Variants in LRRC7 observed in about 807,000 individuals in gnomAD.
The protein encoded by LRRC7 is leucine-rich repeat-containing protein 7.
LRRC7 carries 23 observed loss-of-function variants against 175.7 expected under a neutral mutation model. The ratio of observed to expected loss-of-function variants is 0.13; its 90% CI spans 0.09 to 0.19. The LOEUF is 0.19. LRRC7 is among the 10% of genes least tolerant of loss of function. The pLI is 1.00. For missense variants in LRRC7, 1,354 were observed against 1,904.7 expected (o/e 0.71, Z 5.38); for synonymous variants, 685 against 680.9 (o/e 1.01, Z -0.09).
At chr1:69,613,333 A>T (rs1282700747) in intron 1 of LRRC7, among the ~76,000 whole-genome samples, 1 of 151,980 alleles carries the variant, frequency 6.6e-6, no homozygotes, top group East Asian at 1.9e-4. Context: ...AATTCCACTC[A>T]TGAGGGCTCT....
chr1:70,073,962 A>G (rs754403892), intron 23 of LRRC7, among the ~76,000 whole-genome samples: 3 of 152,216 alleles, frequency 2.0e-5, no homozygotes, highest in Admixed American at 1.3e-4. Context: ...GCACTTTGAG[A>G]GGCTGAGGCC....
In LRRC7 at chr1:70,107,833, C is replaced by T. The variant is rs1457055598; in HGVS notation, c.4620+7C>T. The T allele has an allele frequency of 6.2e-7, 1 of 1,607,482 alleles. No homozygotes were observed. The highest frequency in any genetic ancestry group is 1.3e-5 in the African/African-American group (1 of 74,746). Reference sequence around the variant, plus strand: ...TGGTGATAAGATCCTTCAGGTAAGACAGATAAAAGAAATGCATGCAAATGC... The same window carrying T: ...TGGTGATAAGATCCTTCAGGTAAGATAGATAAAAGAAATGCATGCAAATGC... On this transcript the variant is annotated splice_region_variant and intron_variant, in intron 26 of 26. Transcript: ENST00000651989.
At chr1:69,589,454 A>G (rs1194667363) in intron 1 of LRRC7, among the ~76,000 whole-genome samples, 2 of 152,126 alleles carry the variant, frequency 1.3e-5, no homozygotes, top group African/African-American at 2.4e-5. Context: ...CTAGGGTATG[A>G]AGAATCCAAT....
chr1:69,830,648 AG>A (rs1421150090), intron 5 of LRRC7, among the ~76,000 whole-genome samples: 2 of 151,898 alleles, frequency 1.3e-5, no homozygotes, highest in African/African-American at 2.4e-5. Context: ...GAATCCTATG[AG>A]GAAAATAAAG....
intron 10 of LRRC7, among the ~76,000 whole-genome samples, chr1:69,988,998 A>G (rs1244729677): frequency 6.6e-6 from 1 of 152,238 alleles, no homozygotes; most frequent in African/African-American, 2.4e-5. Flanking sequence ...AACAAAAGTT[A>G]TCAACCAATA....
At chr1:70,071,192 C>A (rs1571237310) in intron 23 of LRRC7, among the ~76,000 whole-genome samples, 1 of 152,202 alleles carries the variant, frequency 6.6e-6, no homozygotes, top group East Asian at 1.9e-4. Flanking sequence ...TTTGTTGAAG[C>A]ATTGTTTATA....
chr1:69,820,525 C>T (rs2101203883), intron 4 of LRRC7, among the ~76,000 whole-genome samples: 1 of 152,204 alleles, frequency 6.6e-6, no homozygotes, highest in East Asian at 1.9e-4. Flanking sequence ...CCTAGCCCCC[C>T]AACAGACCCC....
At chr1:69,932,016 A>G (rs1028721074) in intron 8 of LRRC7, among the ~76,000 whole-genome samples, 5 of 152,220 alleles carry the variant, frequency 3.3e-5, no homozygotes, top group African/African-American at 1.2e-4. Context: ...CACCAATGGC[A>G]TTCTGGTTCT....
At chr1:69,759,355 A>G (rs766922485) in intron 2 of LRRC7, among the ~76,000 whole-genome samples, 18 of 152,026 alleles carry the variant, frequency 1.2e-4, no homozygotes, top group Admixed American at 9.2e-4. Flanking sequence ...ACTGTTTAGG[A>G]GGAAAAAATA....
At chr1:69,698,271 A>G (rs1248276539) in intron 2 of LRRC7, among the ~76,000 whole-genome samples, 4 of 152,206 alleles carry the variant, frequency 2.6e-5, no homozygotes, top group African/African-American at 9.7e-5. Context: ...TCTCTTGATA[A>G]GACTTGCATA....
At chr1:69,929,182 G>A (rs1647189793) in intron 7 of LRRC7, among the ~76,000 whole-genome samples, 1 of 152,088 alleles carries the variant, frequency 6.6e-6, no homozygotes, top group Admixed American at 6.5e-5. Context: ...TGGCCCAGTT[G>A]GAAAGACTTG....
chr1:70,071,804 A>G (rs762040653), intron 23 of LRRC7, among the ~76,000 whole-genome samples: 1 of 152,200 alleles, frequency 6.6e-6, no homozygotes, highest in Non-Finnish European at 1.5e-5. Context: ...GGGTAATAAA[A>G]CAGATGACCA....
chr1:69,683,093 A>G (rs1305537680), intron 2 of LRRC7, among the ~76,000 whole-genome samples: 2 of 152,160 alleles, frequency 1.3e-5, no homozygotes, highest in East Asian at 3.8e-4. Context: ...ATTCAAAACC[A>G]AAACTATGAT....
At chr1:70,099,014 A>C (rs1398906386) in intron 25 of LRRC7, among the ~76,000 whole-genome samples, 122 of 152,096 alleles carry the variant, frequency 8.0e-4, no homozygotes, top group Non-Finnish European at 1.5e-3. Flanking sequence ...CAGAGACACA[A>C]CCACAAAAGA....
At chr1:69,898,947 C>A (rs1199828785) in intron 7 of LRRC7, among the ~76,000 whole-genome samples, 1 of 152,220 alleles carries the variant, frequency 6.6e-6, no homozygotes, top group Non-Finnish European at 1.5e-5. Flanking sequence ...GAGAACCACG[C>A]AGCATCTCAG....
intron 26 of LRRC7, among the ~76,000 whole-genome samples, chr1:70,119,004 T>C (rs1278519068): frequency 6.6e-6 from 1 of 152,068 alleles, no homozygotes; most frequent in East Asian, 1.9e-4. Context: ...TTGCTTCCCA[T>C]GCTAAAGCCT....
chr1:69,765,628 A>T (rs1288655139), intron 3 of LRRC7, among the ~76,000 whole-genome samples: 4 of 152,100 alleles, frequency 2.6e-5, no homozygotes, highest in African/African-American at 9.7e-5. Flanking sequence ...CCATCTATCT[A>T]TCCATTCAAC....
At chr1:69,761,270 C>T (rs1422574294) in intron 3 of LRRC7, among the ~76,000 whole-genome samples, 2 of 151,724 alleles carry the variant, frequency 1.3e-5, no homozygotes, top group African/African-American at 4.8e-5. Context: ...GTTGCTTATG[C>T]TAAAAAGTAA....
At chr1:70,118,945 C>G (rs1666038628) in intron 26 of LRRC7, among the ~76,000 whole-genome samples, 1 of 151,928 alleles carries the variant, frequency 6.6e-6, no homozygotes, top group African/African-American at 2.4e-5. Context: ...TTTGAACTAA[C>G]ACCTTGTTTA....
Sources: gnomAD v4.1 joint callset for allele counts (sites outside exome capture counted in the v4.1 genomes callset) on GRCh38, gnomAD v4.1.1 for gene constraint, MANE v1.5 for transcripts, NCBI Gene and HGNC (gene_info 2026-07-23, HGNC 2026-07-21) for gene names.